DNAH2: variants seen among roughly 807,000 people sequenced by gnomAD.
DNAH2 encodes the protein dynein axonemal heavy chain 2, also known as axonemal beta dynein heavy chain 2.
In DNAH2, 323 loss-of-function variants were observed where a neutral mutation model predicts 523.5. The ratio of observed to expected loss-of-function variants is 0.62; its 90% confidence interval spans 0.56 to 0.68. The LOEUF (loss-of-function observed/expected upper bound fraction) is 0.68. DNAH2 is among the 30% of genes least tolerant of loss of function. The probability of loss-of-function intolerance (pLI) is 0.00; values close to 1 mark genes in which losing one functional copy is unlikely to be tolerated. For synonymous variants in DNAH2, 2,093 were observed against 2,177.4 expected, an observed-to-expected ratio of 0.96 and a Z score of 1.08; for missense variants, 4,907 against 5,701.5, an observed-to-expected ratio of 0.86 and a Z score of 4.49.
At position 7,792,074 on chromosome 17, in the gene DNAH2, G is replaced by T. The variant is rs200002481; in HGVS notation, c.7053+5G>T. 148 of 1,612,872 alleles carry T rather than the reference G, an allele frequency of 9.2e-5. 1 individual carries two copies. In the African/African-American group the frequency reaches 1.6e-3, roughly 17 times the overall value. On this transcript the variant is annotated splice_donor_5th_base_variant and intron_variant, in intron 45 of 85. Coordinates refer to ENST00000572933, the MANE Select transcript of DNAH2 (RefSeq NM_020877.5). The stretch of plus-strand genomic sequence containing the variant: ...GAGGGCTCCTTTCCCAATAAGGTTG[G>T]GCGCACACCTGGCTGTCCTATTTGC...
At position 7,786,482 on chromosome 17, in the gene DNAH2, G is replaced by A; in HGVS notation, c.6349-88G>A. ...GGTGGCCTGGAGCGATGAGAGAAGG[G>A]ACAAATGCACGTACCTAAGAGGGGT... On this transcript the variant is annotated intron_variant, in intron 40 of 85. Transcript: ENST00000572933. The surrounding 1 kb of genome is among the most constrained non-coding windows in gnomAD (Gnocchi z 7.5). 6.8e-7 allele frequency: 1 copy of A among 1,478,382 alleles called. No homozygotes were observed. Among genetic ancestry groups the A allele is most frequent in the Non-Finnish European group, 9.3e-7 (1 of 1,073,886 alleles). The allele number at this position is 1,478,382 out of a possible 1,614,324, so 91.6% of individuals were successfully genotyped here.
rs1285151841 is a variant in DNAH2, at chr17:7,760,879, T to C, written c.2925T>C (p.His975=). Residue 975 remains histidine (H), a synonymous_variant, in exon 18 of 86, where the codon CAT becomes CAC. Coordinates refer to ENST00000572933, the MANE Select transcript of DNAH2 (RefSeq NM_020877.5). This position sits in a 1 kb window ranked among gnomAD's most constrained non-coding sequence, Gnocchi z 4.0. ...AGATCAACAAGGACTCCTTCATTCA[T>C]CGCTACCAGCGCCTCAACCCTCCTG... ...IWEINKDSFI[H]RYQRLNPPVS... is the part of the protein sequence containing the mutation. 1 of 1,614,198 alleles carries C rather than the reference T, an allele frequency of 6.2e-7. No homozygotes were observed. The highest frequency in any genetic ancestry group is 8.5e-7 in the Non-Finnish European group (1 of 1,180,034).
chr17:7,737,214 C>T lies in DNAH2; in HGVS notation c.1126C>T (p.Pro376Ser), dbSNP rs201401856. The T allele has an allele frequency of 7.6e-5, 123 of 1,613,948 alleles. No homozygotes were observed. The East Asian group carries it at 2.1e-3, about 28-fold the overall frequency. Reference protein sequence around the residue: ...SLIRIIWVNSPHYNTRERLTS... With the variant: ...SLIRIIWVNSSHYNTRERLTS... ...CATCCGCATCATCTGGGTCAACTCT[C>T]CCCACTACAACACTCGGGAGAGACT... Residue 376 changes from proline to serine, a missense_variant, in exon 8 of 86, where the codon CCC becomes TCC. This residue lies in a region of DNAH2 where 2,806 missense variants were observed against 3,190.8 expected (regional missense o/e 0.88). Transcript: ENST00000572933.
intron 85 of DNAH2, 76 bp from the exon 86 acceptor site, chr17:7,833,303 C>T: frequency 6.2e-7 from 1 of 1,607,632 alleles, no homozygotes; most frequent in African/African-American, 1.3e-5. Flanking sequence ...GCCCATCCCA[C>T]ACCCGCTCCT....
At position 7,815,683 on chromosome 17, in the gene DNAH2, CAT is replaced by C. The variant is rs1357205877; in HGVS notation, c.9730-883_9730-882del. Among the ~76,000 whole-genome samples, 11 of 151,720 alleles carry C rather than the reference CAT, an allele frequency of 7.3e-5. No homozygotes were observed. In the East Asian group the frequency reaches 9.7e-4, roughly 13 times the overall value. On this transcript the variant is annotated intron_variant, in intron 63 of 85. Transcript: ENST00000572933. ...ACACACATATACGGGATCACACACACATATATGGGATCACACACATGTATACG... is the reference window on the plus strand; with the variant it reads ...ACACACATATACGGGATCACACACACATATGGGATCACACACATGTATACG...
At chr17:7,756,826 G>A (rs1187872179) in intron 12 of DNAH2, among the ~76,000 whole-genome samples, 1 of 151,878 alleles carries the variant, frequency 6.6e-6, no homozygotes, top group Non-Finnish European at 1.5e-5. Flanking sequence ...GCACGCCACT[G>A]CGCCCGGCTA....
At chr17:7,770,478 A>G in intron 25 of DNAH2, 70 bp downstream of exon 25, 1 of 1,613,534 alleles carries the variant, frequency 6.2e-7, no homozygotes, top group Non-Finnish European at 8.5e-7. Context: ...GCTGTTCATC[A>G]TCTGATGGCG....
Position 7,754,569 on chromosome 17 carries a change from G to C in DNAH2, c.1905-2522G>C. ...CCTAAAGAAGATGCACACCAACAAT[G>C]CCAAGGCCATGAGTCCACGTGCCGA... On this transcript the variant is annotated intron_variant, in intron 12 of 85. Coordinates refer to ENST00000572933, the MANE Select transcript of DNAH2 (RefSeq NM_020877.5). This position sits in a 1 kb window ranked among gnomAD's most constrained non-coding sequence, Gnocchi z 4.6. 1 of 1,464,766 alleles carries C rather than the reference G, an allele frequency of 6.8e-7. No homozygotes were observed. The allele number at this position is 1,464,766 out of a possible 1,614,324, so 90.7% of individuals were successfully genotyped here.
intron 72 of DNAH2, among the ~76,000 whole-genome samples, chr17:7,820,291 C>T (rs1357274789): frequency 1.3e-5 from 2 of 152,176 alleles, no homozygotes; most frequent in African/African-American, 4.8e-5. Flanking sequence ...CCTCTACCCA[C>T]TGTCCCTCTC....
chr17:7,818,232 G>GC (rs2077739818), intron 68 of DNAH2, 80 bp from the exon 69 acceptor site: 2 of 1,597,596 alleles, frequency 1.3e-6, no homozygotes, highest in Admixed American at 3.4e-5. Context: ...CTGAGTCGCT[G>GC]CCCCTGGATG....
At chr17:7,787,124 G>A in intron 42 of DNAH2, 91 bp downstream of exon 42, 1 of 1,513,214 alleles carries the variant, frequency 6.6e-7, no homozygotes, top group Non-Finnish European at 8.9e-7. Flanking sequence ...AAATCTCAGA[G>A]CAGGGCAGGT....
chr17:7,749,313 A>C lies in DNAH2; in HGVS notation c.1904+6171A>C, dbSNP rs1597522680. On this transcript the variant is annotated intron_variant, in intron 12 of 85. Coordinates refer to ENST00000572933, the MANE Select transcript of DNAH2 (RefSeq NM_020877.5). ...ACAAGAGCTAAACTCCCCCCCAAAA[A>C]AAAAAAAAAAAAAAAAAAAAAAAAA... 1.4e-4 allele frequency among the ~76,000 whole-genome samples: 11 copies of C among 79,210 alleles called. 3 individuals are homozygous for C. The highest frequency in any genetic ancestry group is 1.3e-3 in the African/African-American group (8 of 6,130). The allele number at this position is 79,210 out of a possible 152,430, so 52.0% of individuals were successfully genotyped here.
At chr17:7,801,413 C>T (rs964822762) in intron 56 of DNAH2, among the ~76,000 whole-genome samples, 165 bp from the exon 57 acceptor site, 5 of 152,204 alleles carry the variant, frequency 3.3e-5, no homozygotes, top group South Asian at 2.1e-4. Flanking sequence ...TCTAAATGCT[C>T]TGCTGAACTA....
intron 28 of DNAH2, among the ~76,000 whole-genome samples, chr17:7,773,665 C>A (rs1270312795): frequency 6.6e-6 from 1 of 152,146 alleles, no homozygotes; most frequent in African/African-American, 2.4e-5. Flanking sequence ...GGTGTGACAG[C>A]AAAACTATCA....
intron 24 of DNAH2, among the ~76,000 whole-genome samples, chr17:7,768,702 A>G (rs1291869049): frequency 6.6e-6 from 1 of 151,822 alleles, no homozygotes; most frequent in African/African-American, 2.4e-5. Flanking sequence ...CTTTCCACCT[A>G]CCACCCCCAG....
At chr17:7,779,147 G>A (rs983439772) in intron 35 of DNAH2, 96 bp from the exon 36 acceptor site, 28 of 1,445,012 alleles carry the variant, frequency 1.9e-5, no homozygotes, top group Admixed American at 7.9e-5. Flanking sequence ...AGGCCGCCTC[G>A]CCTATTGAAA....
chr17:7,780,969 C>G lies in DNAH2; in HGVS notation c.6004-73C>G, dbSNP rs917875655. On this transcript the variant is annotated intron_variant, in intron 38 of 85. Transcript: ENST00000572933. This position sits in a 1 kb window ranked among gnomAD's most constrained non-coding sequence, Gnocchi z 4.4. Reference sequence around the variant, plus strand: ...TGTATCCATTGTTCTTGGCACGTGCCCCGAAGCCCTTTGGAGGTGAAAGGC... The same window carrying G: ...TGTATCCATTGTTCTTGGCACGTGCGCCGAAGCCCTTTGGAGGTGAAAGGC... The G allele has an allele frequency of 6.2e-7, 1 of 1,608,396 alleles. No homozygotes were observed. Among genetic ancestry groups the G allele is most frequent in the Admixed American group, 1.7e-5 (1 of 59,912 alleles).
chr17:7,754,714 C>A lies in DNAH2; in HGVS notation c.1905-2377C>A. On this transcript the variant is annotated intron_variant, in intron 12 of 85. Transcript: ENST00000572933. The surrounding 1 kb of genome is among the most constrained non-coding windows in gnomAD (Gnocchi z 4.6). ...CCCAACCTTGGGAAGCTTGCTCGTGCCCGCATGGCCAAGGGGCTCAGGCTG... is the reference window on the plus strand; with the variant it reads ...CCCAACCTTGGGAAGCTTGCTCGTGACCGCATGGCCAAGGGGCTCAGGCTG... 8.6e-7 allele frequency: 1 copy of A among 1,161,290 alleles called. No homozygotes were observed. The highest frequency in any genetic ancestry group is 1.3e-6 in the Non-Finnish European group (1 of 786,406). 71.9% of individuals were successfully genotyped at this position (1,161,290 alleles called of 1,614,324 possible).
intron 73 of DNAH2, among the ~76,000 whole-genome samples, chr17:7,823,158 G>C (rs917399774): frequency 2.0e-5 from 3 of 152,052 alleles, no homozygotes; most frequent in African/African-American, 7.3e-5. Flanking sequence ...GCCAGGTGTG[G>C]TGGCGAGCAC....
Sources: gnomAD v4.1 joint callset for allele counts (sites outside exome capture counted in the v4.1 genomes callset) on GRCh38, gnomAD v4.1.1 for gene constraint, gnomAD v4.1.1 regional missense constraint, Gnocchi (gnomAD v3.1) non-coding constraint, MANE v1.5 for transcripts, NCBI Gene and HGNC (gene_info 2026-07-23, HGNC 2026-07-21) for gene names.